Variants in CACNG2 observed in about 807,000 individuals in gnomAD.
CACNG2 encodes voltage-dependent calcium channel gamma-2 subunit.
CACNG2 carries 3 observed loss-of-function variants against 25.9 expected under a neutral mutation model. The ratio of observed to expected loss-of-function variants is 0.12; its 90% CI spans 0.05 to 0.30. The LOEUF is 0.30. CACNG2 is among the 10% of genes least tolerant of loss of function. The probability of loss-of-function intolerance (pLI) is 1.00; values close to 1 mark genes in which losing one functional copy is unlikely to be tolerated. For missense variants in CACNG2, 341 were observed against 432.5 expected (o/e 0.79, Z 1.88); for synonymous variants, 167 against 173.3 (o/e 0.96, Z 0.29).
chr22:36,689,745 C>T (rs1937245251), intron 1 of CACNG2, among the ~76,000 whole-genome samples: 1 of 152,224 alleles, frequency 6.6e-6, no homozygotes, highest in South Asian at 2.1e-4. Flanking sequence ...CGTGGCCTGT[C>T]GCCTTGGCAC....
At chr22:36,574,784 A>T (rs879455119) in intron 2 of CACNG2, among the ~76,000 whole-genome samples, 1 of 60,830 alleles carries the variant, frequency 1.6e-5, no homozygotes, top group Non-Finnish European at 3.0e-5. Context: ...CTCTGTCTCA[A>T]CAAAACAAAA....
At chr22:36,681,883 GTA>G (rs2146004659) in intron 1 of CACNG2, among the ~76,000 whole-genome samples, 1 of 152,294 alleles carries the variant, frequency 6.6e-6, no homozygotes, top group South Asian at 2.1e-4. Flanking sequence ...CATGGCATGT[GTA>G]TGTTTCCTGT....
chr22:36,678,313 G>T (rs923309516), intron 1 of CACNG2, among the ~76,000 whole-genome samples: 1 of 152,172 alleles, frequency 6.6e-6, no homozygotes, highest in Non-Finnish European at 1.5e-5. Flanking sequence ...ATGTTACAAG[G>T]GGAGACAGCA....
At chr22:36,693,785 A>C (rs1462094746) in intron 1 of CACNG2, among the ~76,000 whole-genome samples, 1 of 151,352 alleles carries the variant, frequency 6.6e-6, no homozygotes, top group Non-Finnish European at 1.5e-5. Flanking sequence ...GCTCACCCAT[A>C]CTCTGCATCC....
Position 36,597,499 on chromosome 22 carries a change from G to C in CACNG2, c.212-9951C>G, listed in dbSNP as rs115787920. On this transcript the variant is annotated intron_variant, in intron 1 of 3. Coordinates refer to ENST00000300105, the MANE Select transcript of CACNG2 (RefSeq NM_006078.5). The stretch of plus-strand genomic sequence containing the variant: ...AAGGCAATATCAGTCCTCACCGAGG[G>C]GGTAAGGGGATTAACTTTGAAGACT... Among the ~76,000 whole-genome samples the C allele has an allele frequency of 7.2e-3, 1,097 of 152,318 alleles. 12 individuals carry two copies. Among genetic ancestry groups the C allele is most frequent in the African/African-American group, 0.025 (1,054 of 41,572 alleles).
At chr22:36,700,972 T>C (rs1377064142) in intron 1 of CACNG2, among the ~76,000 whole-genome samples, 1 of 152,148 alleles carries the variant, frequency 6.6e-6, no homozygotes, top group African/African-American at 2.4e-5. Context: ...TTCCCAGATG[T>C]AATCATTTCC....
chr22:36,622,117 T>C (rs1603501861), intron 1 of CACNG2, among the ~76,000 whole-genome samples: 1 of 152,290 alleles, frequency 6.6e-6, no homozygotes, highest in Middle Eastern at 3.4e-3. Flanking sequence ...CACAGAGAAG[T>C]TTAGTGACTT....
At chr22:36,644,277 T>C (rs531441063) in intron 1 of CACNG2, among the ~76,000 whole-genome samples, 90 of 152,174 alleles carry the variant, frequency 5.9e-4, no homozygotes, top group Non-Finnish European at 1.2e-3. Flanking sequence ...AATTCTGTCA[T>C]CATAAAAGCA....
At chr22:36,679,892 GGAT>G (rs1418794738) in intron 1 of CACNG2, among the ~76,000 whole-genome samples, 2 of 152,026 alleles carry the variant, frequency 1.3e-5, no homozygotes, top group African/African-American at 4.8e-5. Flanking sequence ...GTAGTTATTC[GGAT>G]GATAACAATC....
intron 1 of CACNG2, among the ~76,000 whole-genome samples, chr22:36,590,198 A>G (rs1935566957): frequency 6.6e-6 from 1 of 152,158 alleles, no homozygotes; most frequent in South Asian, 2.1e-4. Flanking sequence ...GGCTTCACTC[A>G]TCCTTGGACC....
At chr22:36,689,975 T>C (rs1443001773) in intron 1 of CACNG2, among the ~76,000 whole-genome samples, 2 of 152,236 alleles carry the variant, frequency 1.3e-5, no homozygotes, top group Non-Finnish European at 2.9e-5. Context: ...CTGAATCTTA[T>C]CAACAGGCCC....
At position 36,604,486 on chromosome 22, in the gene CACNG2, G is replaced by T. The variant is rs75986574; in HGVS notation, c.212-16938C>A. ...AAAAATATATCAAACAATATCACTT[G>T]CTATACAGAAATCTTTTGCGAAAGG... is the stretch of plus-strand genomic sequence containing the variant. On this transcript the variant is annotated intron_variant, in intron 1 of 3. Coordinates refer to ENST00000300105, the MANE Select transcript of CACNG2 (RefSeq NM_006078.5). 6.8e-4 allele frequency among the ~76,000 whole-genome samples: 104 copies of T among 152,336 alleles called. No homozygotes were observed. In the East Asian group the frequency reaches 0.018, roughly 27 times the overall value.
intron 1 of CACNG2, among the ~76,000 whole-genome samples, chr22:36,630,453 A>G (rs1448850153): frequency 1.3e-5 from 2 of 152,048 alleles, no homozygotes; most frequent in Non-Finnish European, 2.9e-5. Flanking sequence ...CTAGGAGGGG[A>G]AGAGCAATTT....
chr22:36,652,661 T>A (rs1989461726), intron 1 of CACNG2, among the ~76,000 whole-genome samples: 1 of 152,152 alleles, frequency 6.6e-6, no homozygotes, highest in African/African-American at 2.4e-5. Context: ...ATGACTCTTT[T>A]GCCCATGACA....
intron 1 of CACNG2, among the ~76,000 whole-genome samples, chr22:36,592,826 C>G (rs903414796): frequency 1.3e-5 from 2 of 152,100 alleles, no homozygotes; most frequent in African/African-American, 2.4e-5. Context: ...CTCTACGGTT[C>G]GACTAGAGGA....
At chr22:36,624,340 C>T (rs1450516375) in intron 1 of CACNG2, among the ~76,000 whole-genome samples, 1 of 152,152 alleles carries the variant, frequency 6.6e-6, no homozygotes, top group Admixed American at 6.5e-5. Context: ...AGGCACCCCA[C>T]ATCTTCCCCG....
chr22:36,623,386 T>G (rs1371714550), intron 1 of CACNG2, among the ~76,000 whole-genome samples: 2 of 152,122 alleles, frequency 1.3e-5, no homozygotes. Flanking sequence ...GAGGGAAGGT[T>G]GCATTTGGCA....
rs1165671289 is a variant in CACNG2 at position 36,606,603 on chromosome 22, G to A, written c.212-19055C>T. Among the ~76,000 whole-genome samples, 7 of 152,044 alleles carry A rather than the reference G, an allele frequency of 4.6e-5. No homozygotes were observed. Among genetic ancestry groups the A allele is most frequent in the Non-Finnish European group, 8.8e-5 (6 of 68,000 alleles). ...GGCTTCCTGGAAGAAGCACCATCTC[G>A]GATGAGCCGTGAAGGATAAGTAAAA... On this transcript the variant is annotated intron_variant, in intron 1 of 3. Coordinates refer to ENST00000300105, the MANE Select transcript of CACNG2 (RefSeq NM_006078.5). The surrounding 1 kb of genome is among the most constrained non-coding windows in gnomAD (Gnocchi z 5.7).
chr22:36,625,026 CAAA>C (rs57987215), intron 1 of CACNG2, among the ~76,000 whole-genome samples: 7 of 67,650 alleles, frequency 1.0e-4, no homozygotes, highest in East Asian at 5.1e-4. Flanking sequence ...GACTCTGTCT[CAAA>C]AAAAAAAAAA....
Sources: allele counts gnomAD v4.1 joint callset (sites outside exome capture counted in the v4.1 genomes callset), GRCh38; gene constraint gnomAD v4.1.1; non-coding constraint Gnocchi (gnomAD v3.1); transcripts MANE v1.5; gene names NCBI Gene and HGNC (gene_info 2026-07-23, HGNC 2026-07-21).